WDPCP: variants seen among roughly 807,000 people sequenced by gnomAD.
The protein encoded by WDPCP is WD repeat containing planar cell polarity effector.
A neutral mutation model predicts 93.1 loss-of-function variants in WDPCP; 71 were observed. The ratio of observed to expected loss-of-function variants is 0.76; its 90% CI spans 0.63 to 0.93. The LOEUF (loss-of-function observed/expected upper bound fraction) is 0.93, where lower values mean the gene tolerates loss of function less well. Among genes scored for constraint, WDPCP ranks in the 40% least tolerant of loss-of-function variants. WDPCP has a pLI of 0.00. For synonymous variants in WDPCP, 315 were observed against 315.0 expected, an observed-to-expected ratio of 1.00 and a Z score of 0.00; for missense variants, 844 against 887.4, an observed-to-expected ratio of 0.95 and a Z score of 0.62.
chr2:63,444,453 C>A (rs1001305618), intron 6 of WDPCP, among the ~76,000 whole-genome samples: 1 of 152,002 alleles, frequency 6.6e-6, no homozygotes, highest in Non-Finnish European at 1.5e-5. Flanking sequence ...ATATTCCAGC[C>A]CAGACAGGAA....
chr2:63,773,273 A>T (rs922123326), intron 2 of WDPCP, among the ~76,000 whole-genome samples: 4 of 152,110 alleles, frequency 2.6e-5, no homozygotes, highest in African/African-American at 9.7e-5. Context: ...GGAACAAACT[A>T]ATGATAGATG....
At chr2:63,639,955 C>T (rs1293038305) in intron 3 of WDPCP, among the ~76,000 whole-genome samples, 2 of 152,202 alleles carry the variant, frequency 1.3e-5, no homozygotes, top group Non-Finnish European at 2.9e-5. Flanking sequence ...CCTGAAGTTG[C>T]ATTCTTGGGC....
intron 2 of WDPCP, among the ~76,000 whole-genome samples, chr2:63,803,556 C>G (rs1339244185): frequency 6.6e-6 from 1 of 152,038 alleles, no homozygotes; most frequent in Non-Finnish European, 1.5e-5. Context: ...ACCCTTACCT[C>G]TTTATTTTTC....
intron 13 of WDPCP, among the ~76,000 whole-genome samples, chr2:63,289,793 T>C (rs946036803): frequency 1.3e-5 from 2 of 152,014 alleles, no homozygotes; most frequent in African/African-American, 4.8e-5. Flanking sequence ...GAAGCTCAGT[T>C]ATCTTCTTTA....
At chr2:63,527,652 C>G (rs1283079656) in intron 1 of WDPCP, among the ~76,000 whole-genome samples, 1 of 152,044 alleles carries the variant, frequency 6.6e-6, no homozygotes, top group Non-Finnish European at 1.5e-5. Context: ...CAAGTCTTCA[C>G]TATTGTGAAT....
At chr2:63,297,931 T>A (rs756500834) in intron 13 of WDPCP, among the ~76,000 whole-genome samples, 6 of 152,178 alleles carry the variant, frequency 3.9e-5, no homozygotes, top group African/African-American at 7.2e-5. Context: ...TTGGTATCAT[T>A]AATGGCTGCA....
intron 13 of WDPCP, among the ~76,000 whole-genome samples, chr2:63,265,981 CA>C (rs1434401563): frequency 4.0e-5 from 6 of 151,712 alleles, no homozygotes. Flanking sequence ...GATAAAAACT[CA>C]AAAAAATATG....
At chr2:63,403,789 G>A in intron 10 of WDPCP, 1 of 444,174 alleles carries the variant, frequency 2.3e-6, no homozygotes, top group Non-Finnish European at 4.1e-6. Context: ...TTATTTTAGA[G>A]CGTATCAAAT....
chr2:63,760,919 A>C (rs1670047182), intron 2 of WDPCP, among the ~76,000 whole-genome samples: 1 of 151,964 alleles, frequency 6.6e-6, no homozygotes, highest in African/African-American at 2.4e-5. Flanking sequence ...TCACCCATCC[A>C]CTCAGTGGTA....
At chr2:63,684,244 T>A in intron 2 of WDPCP, 2 of 463,906 alleles carry the variant, frequency 4.3e-6, no homozygotes. Context: ...CTTAAAACAT[T>A]CAAAAAATTG....
At chr2:63,383,091 A>C (rs1692448482) in intron 10 of WDPCP, among the ~76,000 whole-genome samples, 1 of 152,164 alleles carries the variant, frequency 6.6e-6, no homozygotes, top group African/African-American at 2.4e-5. Context: ...AAGAAAAGCT[A>C]ACATATAATC....
Position 63,466,057 on chromosome 2 carries a change from G to A in WDPCP, c.384+18547C>T, listed in dbSNP as rs908041941. On this transcript the variant is annotated intron_variant, in intron 6 of 17. Coordinates refer to ENST00000272321, the MANE Select transcript of WDPCP (RefSeq NM_015910.7). ...AAGACTTGGCTCAGATAAAACAAGG[G>A]ACTGTTCTATTATGGGAGAAGGATG... 1.7e-4 allele frequency among the ~76,000 whole-genome samples: 26 copies of A among 152,166 alleles called. 1 individual carries two copies. The highest frequency in any genetic ancestry group is 1.5e-3 in the Admixed American group (23 of 15,278).
intron 1 of WDPCP, among the ~76,000 whole-genome samples, chr2:63,529,691 C>T (rs1703661589): frequency 6.6e-6 from 1 of 152,086 alleles, no homozygotes; most frequent in East Asian, 1.9e-4. Context: ...TTCGTTGTGT[C>T]TCTGCCAGGC....
At chr2:63,682,149 A>G (rs1445131109) in intron 2 of WDPCP, among the ~76,000 whole-genome samples, 2 of 152,276 alleles carry the variant, frequency 1.3e-5, no homozygotes, top group Non-Finnish European at 2.9e-5. Flanking sequence ...ACAAGCATCA[A>G]GATCATCCAG....
rs201914200 is a variant in WDPCP, at chr2:63,121,982, G to T, written c.*24C>A. On this transcript the variant is annotated 3_prime_UTR_variant, in exon 18 of 18. Transcript: ENST00000272321. ...CATGAAAAGTTTAGATATGAAGAAGGCAGTTTTCTTTTTTTCTTAATGTTT... is the reference window on the plus strand; with the variant it reads ...CATGAAAAGTTTAGATATGAAGAAGTCAGTTTTCTTTTTTTCTTAATGTTT... 4.9e-5 allele frequency: 79 copies of T among 1,612,758 alleles called. No homozygotes were observed. In the Middle Eastern group the frequency reaches 1.7e-3, roughly 34 times the overall value.
chr2:63,619,504 C>T (rs1709709059), intron 3 of WDPCP, among the ~76,000 whole-genome samples: 1 of 152,154 alleles, frequency 6.6e-6, no homozygotes, highest in Admixed American at 6.5e-5. Flanking sequence ...TGCAGCATTG[C>T]CTCCCTTTGA....
intron 1 of WDPCP, among the ~76,000 whole-genome samples, chr2:63,517,152 A>C (rs537891210): frequency 9.1e-4 from 138 of 152,218 alleles, no homozygotes; most frequent in Non-Finnish European, 1.7e-3. Flanking sequence ...TGCCTAGAGC[A>C]CTTCAATAGC....
chr2:63,546,413 C>G (rs1160655729), intron 1 of WDPCP, among the ~76,000 whole-genome samples: 1 of 152,140 alleles, frequency 6.6e-6, no homozygotes, highest in East Asian at 1.9e-4. Flanking sequence ...AGTTTGAATT[C>G]TCAACATAAA....
At chr2:63,562,701 T>A (rs182371104) in intron 1 of WDPCP, among the ~76,000 whole-genome samples, 534 of 152,340 alleles carry the variant, frequency 3.5e-3, no homozygotes, top group Middle Eastern at 0.017. Context: ...AGCTTTCCAA[T>A]TGAAACTTAT....
Sources: allele counts gnomAD v4.1 joint callset (sites outside exome capture counted in the v4.1 genomes callset), GRCh38; gene constraint gnomAD v4.1.1; transcripts MANE v1.5; gene names NCBI Gene and HGNC (gene_info 2026-07-23, HGNC 2026-07-21).